EGR2: variants seen among roughly 807,000 people sequenced by gnomAD.
EGR2 encodes E3 SUMO-protein ligase EGR2.
EGR2 carries 2 observed loss-of-function variants against 21.2 expected under a neutral mutation model. The ratio of observed to expected loss-of-function variants is 0.09; its 90% CI spans 0.04 to 0.30. The LOEUF (loss-of-function observed/expected upper bound fraction) is 0.30, where lower values mean the gene tolerates loss of function less well. Among genes scored for constraint, EGR2 ranks in the 10% least tolerant of loss-of-function variants. The pLI is 1.00. For missense variants in EGR2, 458 were observed against 630.2 expected (o/e 0.73, Z 2.93); for synonymous variants, 282 against 258.2 (o/e 1.09, Z -0.88).
chr10:62,815,049 G>T (rs1266194729), intron 1 of EGR2, among the ~76,000 whole-genome samples: 1 of 152,270 alleles, frequency 6.6e-6, no homozygotes, highest in East Asian at 1.9e-4. Flanking sequence ...GGGATGTAGA[G>T]GAAGGAGTCC....
chr10:62,818,287 C>T (rs551103333), upstream of EGR2, among the ~76,000 whole-genome samples: 1 of 152,310 alleles, frequency 6.6e-6, no homozygotes, highest in Admixed American at 6.5e-5. Flanking sequence ...CGCTGCTTCT[C>T]CCCCTCCCTC....
rs1050343149 is a variant in EGR2 at position 62,814,353 on chromosome 10, C to T, written c.285G>A (p.Lys95=). The T allele has an allele frequency of 8.7e-6, 14 of 1,614,022 alleles. No homozygotes were observed. Among genetic ancestry groups the T allele is most frequent in the Non-Finnish European group, 1.0e-5 (12 of 1,180,044 alleles). The change falls in exon 2 of 2, where the codon AAG becomes AAA. Residue 95 remains lysine (K), a synonymous_variant. Transcript: ENST00000242480. The surrounding 1 kb of genome is among the most constrained non-coding windows in gnomAD (Gnocchi z 4.8). The stretch of plus-strand genomic sequence containing the variant: ...CAGGGTACTGAGGGTCAATGGAGAA[C>T]TTGCCCATGTAAGTGAAGGTCTGGT... ...PRNQTFTYMG[K]FSIDPQYPGA...
At chr10:62,815,460 G>A (rs1237625513) in intron 1 of EGR2, among the ~76,000 whole-genome samples, 1 of 152,220 alleles carries the variant, frequency 6.6e-6, no homozygotes, top group African/African-American at 2.4e-5. Flanking sequence ...CCGCCGCTCG[G>A]CTCTCCAGGC....
chr10:62,816,200 C>G lies in EGR2; in HGVS notation c.-171G>C. The G allele has an allele frequency of 6.6e-7, 1 of 1,506,392 alleles. No homozygotes were observed. Among genetic ancestry groups the G allele is most frequent in the East Asian group, 2.4e-5 (1 of 41,054 alleles). The allele number at this position is 1,506,392 out of a possible 1,614,324, so 93.3% of individuals were successfully genotyped here. On this transcript the variant is annotated 5_prime_UTR_variant, in exon 1 of 2. Coordinates refer to ENST00000242480, the MANE Select transcript of EGR2 (RefSeq NM_000399.5). ...AAAAAATCAACAGAAATAAAAGTAG[C>G]AAACAAGTTGCTGTTTTTTAAGAAA...
rs1842222751 is a variant in EGR2, at chr10:62,814,966, T to A, written c.170-498A>T. Among the ~76,000 whole-genome samples the A allele has an allele frequency of 6.6e-6, 1 of 152,122 alleles. No homozygotes were observed. The highest frequency in any genetic ancestry group is 2.4e-5 in the African/African-American group (1 of 41,438). ...TGGGTGATTTCCCGGCTGCTCCCCA[T>A]CCCCGGCGCCTTGTGCCTTTTTCTC... On this transcript the variant is annotated intron_variant, in intron 1 of 1. Transcript: ENST00000242480. The surrounding 1 kb of genome is among the most constrained non-coding windows in gnomAD (Gnocchi z 4.8).
upstream of EGR2, chr10:62,818,668 GA>G (rs1184005150): frequency 4.1e-6 from 5 of 1,232,782 alleles, no homozygotes; most frequent in South Asian, 2.6e-5. Flanking sequence ...AAGAACGGGG[GA>G]AAGCCGAATT....
At chr10:62,817,157 C>A (rs568608284), upstream of EGR2, among the ~76,000 whole-genome samples, 1 of 152,126 alleles carries the variant, frequency 6.6e-6, no homozygotes, top group East Asian at 1.9e-4. The surrounding 1 kb of genome is among the most constrained non-coding windows in gnomAD (Gnocchi z 4.4). Flanking sequence ...CCGGAGACAC[C>A]CTCCTTCCTC....
chr10:62,815,618 C>CG (rs1842245964), intron 1 of EGR2, among the ~76,000 whole-genome samples: 2 of 152,236 alleles, frequency 1.3e-5, no homozygotes. Flanking sequence ...TGCGCTCGCC[C>CG]GGGGCTGGGC....
chr10:62,813,324 G>C lies in EGR2; in HGVS notation c.1314C>G (p.Pro438=). Residue 438 remains proline (P), a synonymous_variant, in exon 2 of 2, where the codon CCC becomes CCG. Transcript: ENST00000242480. The surrounding 1 kb of genome is among the most constrained non-coding windows in gnomAD (Gnocchi z 5.7). ...CGCCCCCAGAGCAGGAGGCTGTAGA[G>C]GGGGCTGGCACCGATGCAGAGGGGG... is the stretch of plus-strand genomic sequence containing the variant. ...SSAPSASVPA[P]STASCSGGVQ... The C allele has an allele frequency of 6.3e-7, 1 of 1,585,556 alleles. No individual in the cohort carries two copies. Among genetic ancestry groups the C allele is most frequent in the Non-Finnish European group, 8.6e-7 (1 of 1,163,048 alleles).
upstream of EGR2, chr10:62,816,492 T>C (rs1395689151): frequency 1.3e-5 from 7 of 556,274 alleles, no homozygotes; most frequent in East Asian, 7.5e-4. Flanking sequence ...CTGATTTGCA[T>C]ACACGGGCTC....
At chr10:62,816,894 C>A (rs1175082923), upstream of EGR2, among the ~76,000 whole-genome samples, 1 of 151,480 alleles carries the variant, frequency 6.6e-6, no homozygotes, top group Non-Finnish European at 1.5e-5. Flanking sequence ...AAGGAGGCAG[C>A]GAAGAAAAAA....
At chr10:62,818,536 CT>C, upstream of EGR2, 1 of 1,236,534 alleles carries the variant, frequency 8.1e-7, no homozygotes, top group Non-Finnish European at 1.0e-6. Flanking sequence ...TAGCTGCGTT[CT>C]TACCACGTGC....
chr10:62,816,456 G>C, upstream of EGR2: 5 of 964,852 alleles, frequency 5.2e-6, no homozygotes, highest in Non-Finnish European at 6.4e-6. Flanking sequence ...ACAGGGCTGG[G>C]CCAGGCGGCT....
At position 62,814,278 on chromosome 10, in the gene EGR2, G is replaced by C; in HGVS notation, c.360C>G (p.Ile120Met). 1 of 1,614,150 alleles carries C rather than the reference G, an allele frequency of 6.2e-7. No individual in the cohort carries two copies. The highest frequency in any genetic ancestry group is 1.1e-5 in the South Asian group (1 of 91,072). ...AAGCTGGGGAAGTGACCCCTTGCAA[G>C]ATGCCTGCACTCACAATATTGATTA... The part of the protein sequence containing the change: ...EGIINIVSAG[I>M]LQGVTSPAST... The change falls in exon 2 of 2, where the codon ATC becomes ATG. Residue 120 changes from isoleucine to methionine, a missense_variant. Physicochemically the swap from Ile to Met is conservative, Grantham distance 10. Around this residue, in one of 5 missense-constraint regions of EGR2, gnomAD observed 253 missense variants for 315.5 expected, o/e 0.80. Coordinates refer to ENST00000242480, the MANE Select transcript of EGR2 (RefSeq NM_000399.5). This position sits in a 1 kb window ranked among gnomAD's most constrained non-coding sequence, Gnocchi z 4.8.
chr10:62,818,000 C>T (rs1199153406), upstream of EGR2, among the ~76,000 whole-genome samples: 4 of 152,240 alleles, frequency 2.6e-5, no homozygotes, highest in South Asian at 8.3e-4. This position sits in a 1 kb window ranked among gnomAD's most constrained non-coding sequence, Gnocchi z 4.4. Context: ...CGCTCCAAAG[C>T]CGCGGAGGCC....
At chr10:62,818,529 CT>C, upstream of EGR2, 7 of 1,218,558 alleles carry the variant, frequency 5.7e-6, no homozygotes, top group Non-Finnish European at 7.4e-6. Context: ...GAAAAGATAG[CT>C]GCGTTCTTAC....
upstream of EGR2, among the ~76,000 whole-genome samples, chr10:62,818,938 G>A (rs1838319791): frequency 6.6e-6 from 1 of 152,216 alleles, no homozygotes. Context: ...GCAGGGCGCG[G>A]AGGGCAGGAC....
Position 62,814,020 on chromosome 10 carries a change from A to T in EGR2, c.618T>A (p.Pro206=). The change falls in exon 2 of 2, where the codon CCT becomes CCA. Residue 206 remains proline (P), a synonymous_variant. Transcript: ENST00000242480. This position sits in a 1 kb window ranked among gnomAD's most constrained non-coding sequence, Gnocchi z 4.8. ...TGGCTGGCTTGGGGGATGGATAGGA[A>T]GGAGGTGGTGGGTAGGCCAGAGAGG... is the stretch of plus-strand genomic sequence containing the variant. ...TSSSLAYPPP[P]SYPSPKPATD... The T allele has an allele frequency of 6.2e-7, 1 of 1,614,112 alleles. No individual in the cohort carries two copies. Among genetic ancestry groups the T allele is most frequent in the Non-Finnish European group, 8.5e-7 (1 of 1,179,996 alleles).
In EGR2 at chr10:62,813,726, G is replaced by GGCT. The variant is rs746688326; in HGVS notation, c.909_911dup (p.Ala309dup). 1.7e-4 allele frequency: 275 copies of GGCT among 1,610,046 alleles called. No homozygotes were observed. Among genetic ancestry groups the GGCT allele is most frequent in the Non-Finnish European group, 2.1e-4 (246 of 1,179,050 alleles). On this transcript the variant is annotated inframe_insertion, in exon 2 of 2. Coordinates refer to ENST00000242480, the MANE Select transcript of EGR2 (RefSeq NM_000399.5). This position sits in a 1 kb window ranked among gnomAD's most constrained non-coding sequence, Gnocchi z 5.7. ...GTGGGTTATAGGCGGCGGCGGCGGCGGCTGCTGCTGCTGCTGAGCTGCTAC... is the reference window on the plus strand; with the variant it reads ...GTGGGTTATAGGCGGCGGCGGCGGCGGCTGCTGCTGCTGCTGCTGAGCTGCTAC...
Sources: allele counts gnomAD v4.1 joint callset (sites outside exome capture counted in the v4.1 genomes callset), GRCh38; gene constraint gnomAD v4.1.1; regional missense constraint gnomAD v4.1.1; non-coding constraint Gnocchi (gnomAD v3.1); transcripts MANE v1.5; gene names NCBI Gene and HGNC (gene_info 2026-07-23, HGNC 2026-07-21).